Variants in HS3ST4 observed in about 807,000 individuals in gnomAD.
HS3ST4 encodes heparan sulfate-glucosamine 3-sulfotransferase 4.
Under a neutral mutation model 29.2 loss-of-function variants are expected in HS3ST4, and 17 were observed. The ratio of observed to expected loss-of-function variants is 0.58; its 90% CI spans 0.40 to 0.87. The LOEUF (loss-of-function observed/expected upper bound fraction) is 0.87. HS3ST4 is among the 40% of genes least tolerant of loss of function. HS3ST4 has a pLI of 0.00. For synonymous variants in HS3ST4, 314 were observed against 285.7 expected, an observed-to-expected ratio of 1.10 and a Z score of -1.00; for missense variants, 627 against 634.5, an observed-to-expected ratio of 0.99 and a Z score of 0.13.
chr16:25,911,496 G>GTTTTTTTTTT (rs542274531), intron 1 of HS3ST4, among the ~76,000 whole-genome samples: 1 of 82,014 alleles, frequency 1.2e-5, no homozygotes, highest in African/African-American at 4.8e-5. Context: ...CCGTTGTGTG[G>GTTTTTTTTTT]TTTTTTTTTT....
intron 1 of HS3ST4, among the ~76,000 whole-genome samples, chr16:26,121,835 T>G (rs1244961067): frequency 6.6e-6 from 1 of 152,124 alleles, no homozygotes; most frequent in African/African-American, 2.4e-5. Context: ...CATTGGTGTG[T>G]GAGGTTCTGC....
chr16:26,009,235 C>A (rs570853956), intron 1 of HS3ST4, among the ~76,000 whole-genome samples: 7 of 152,336 alleles, frequency 4.6e-5, no homozygotes, highest in East Asian at 3.9e-4. Context: ...TTTCATTACA[C>A]CAGATTCCTC....
chr16:25,828,392 G>T (rs960913922), intron 1 of HS3ST4, among the ~76,000 whole-genome samples: 5 of 145,766 alleles, frequency 3.4e-5, no homozygotes, highest in Non-Finnish European at 7.5e-5. Flanking sequence ...TCAGCCTGGA[G>T]TGCAGTGTCA....
intron 1 of HS3ST4, among the ~76,000 whole-genome samples, chr16:25,850,303 A>G (rs945706083): frequency 3.3e-5 from 5 of 152,054 alleles, no homozygotes; most frequent in Middle Eastern, 3.4e-3. Context: ...TTTTTTAAAC[A>G]CTCACTTGTA....
chr16:25,893,686 A>G (rs1443514844), intron 1 of HS3ST4, among the ~76,000 whole-genome samples: 1 of 152,226 alleles, frequency 6.6e-6, no homozygotes, highest in Non-Finnish European at 1.5e-5. Context: ...GAGCCTGGAA[A>G]TGGGGGCAGC....
intron 1 of HS3ST4, among the ~76,000 whole-genome samples, chr16:26,118,396 A>C (rs999970733): frequency 6.6e-6 from 1 of 152,158 alleles, no homozygotes; most frequent in Non-Finnish European, 1.5e-5. Context: ...CCTAGAGATG[A>C]CTTTTAAGTT....
chr16:26,094,214 G>C (rs7197876), intron 1 of HS3ST4, among the ~76,000 whole-genome samples: 82,130 of 152,002 alleles, frequency 0.54, 22,938 homozygotes, highest in African/African-American at 0.67. Flanking sequence ...AGGAGAACTT[G>C]CCTAACCTAG....
chr16:26,003,468 A>G (rs1411717485), intron 1 of HS3ST4, among the ~76,000 whole-genome samples: 2 of 152,156 alleles, frequency 1.3e-5, no homozygotes, highest in Non-Finnish European at 2.9e-5. Flanking sequence ...TGCCTCTCTC[A>G]TATTTTGGAC....
intron 1 of HS3ST4, among the ~76,000 whole-genome samples, chr16:25,980,485 C>T (rs943846388): frequency 2.0e-5 from 3 of 152,136 alleles, no homozygotes; most frequent in African/African-American, 7.2e-5. Flanking sequence ...CACCATGTAT[C>T]GAGTTCCACA....
At chr16:25,973,653 A>G (rs1474648395) in intron 1 of HS3ST4, among the ~76,000 whole-genome samples, 3 of 152,184 alleles carry the variant, frequency 2.0e-5, no homozygotes, top group Non-Finnish European at 2.9e-5. Flanking sequence ...CAATTTCCTC[A>G]TCTGAAAACG....
intron 1 of HS3ST4, among the ~76,000 whole-genome samples, chr16:26,068,686 G>A (rs548824894): frequency 1.3e-5 from 2 of 152,000 alleles, no homozygotes; most frequent in Non-Finnish European, 2.9e-5. Flanking sequence ...AAAGGAAGGG[G>A]ATGAAATTAA....
At chr16:25,893,760 CA>C (rs1968033372) in intron 1 of HS3ST4, among the ~76,000 whole-genome samples, 1 of 152,196 alleles carries the variant, frequency 6.6e-6, no homozygotes, top group Non-Finnish European at 1.5e-5. Flanking sequence ...GTCCACTTAA[CA>C]AACAAGGTGA....
intron 1 of HS3ST4, among the ~76,000 whole-genome samples, chr16:25,920,963 A>G (rs1040616304): frequency 6.6e-6 from 1 of 152,116 alleles, no homozygotes; most frequent in Admixed American, 6.5e-5. Flanking sequence ...AGTCATACCT[A>G]TCTGGGCAGT....
At chr16:25,976,429 C>T (rs1286676326) in intron 1 of HS3ST4, among the ~76,000 whole-genome samples, 1 of 152,140 alleles carries the variant, frequency 6.6e-6, no homozygotes, top group African/African-American at 2.4e-5. Flanking sequence ...CCTCTGCTTC[C>T]CTAGTAGCTG....
chr16:25,827,056 G>A (rs1967224597), intron 1 of HS3ST4, among the ~76,000 whole-genome samples: 1 of 152,146 alleles, frequency 6.6e-6, no homozygotes, highest in African/African-American at 2.4e-5. Flanking sequence ...ATAGAAAATG[G>A]AAGTTAATAA....
intron 1 of HS3ST4, among the ~76,000 whole-genome samples, chr16:25,932,039 G>A (rs73517523): frequency 0.033 from 5,083 of 152,280 alleles, 268 homozygotes; most frequent in African/African-American, 0.11. Flanking sequence ...TCTTGGTCGG[G>A]TGAAGTTGCT....
intron 1 of HS3ST4, among the ~76,000 whole-genome samples, chr16:25,978,599 T>C (rs547183744): frequency 2.0e-5 from 3 of 152,340 alleles, no homozygotes; most frequent in East Asian, 1.9e-4. Flanking sequence ...TTGTGCTTTG[T>C]TGGCCAAGTA....
intron 1 of HS3ST4, among the ~76,000 whole-genome samples, chr16:25,821,544 T>C (rs1292102763): frequency 6.6e-6 from 1 of 152,224 alleles, no homozygotes; most frequent in African/African-American, 2.4e-5. Context: ...TTTTTAAAGC[T>C]ACTTATTTTA....
intron 1 of HS3ST4, among the ~76,000 whole-genome samples, chr16:25,803,129 T>C (rs577528373): frequency 6.6e-6 from 1 of 152,230 alleles, no homozygotes; most frequent in South Asian, 2.1e-4. Context: ...AGAGTGCCTG[T>C]ACACACTATT....
Sources: allele counts gnomAD v4.1 joint callset (sites outside exome capture counted in the v4.1 genomes callset), GRCh38; gene constraint gnomAD v4.1.1; transcripts MANE v1.5; gene names NCBI Gene and HGNC (gene_info 2026-07-23, HGNC 2026-07-21).